The following EGF variants were observed in gnomAD, a reference collection of about 807,000 sequenced individuals.
EGF encodes pro-epidermal growth factor.
In EGF, 95 loss-of-function variants were observed where a neutral mutation model predicts 143.8. The ratio of observed to expected loss-of-function variants is 0.66; its 90% CI spans 0.56 to 0.78. The LOEUF is 0.78. Among genes scored for constraint, EGF ranks in the 30% least tolerant of loss-of-function variants. The pLI is 0.00. For missense variants in EGF, 1,320 were observed against 1,470.9 expected, an observed-to-expected ratio of 0.90 and a Z score of 1.68; for synonymous variants, 510 against 510.5, an observed-to-expected ratio of 1.00 and a Z score of 0.01.
At chr4:109,947,157 GA>G (rs1435998569) in intron 5 of EGF, among the ~76,000 whole-genome samples, 22 of 139,408 alleles carry the variant, frequency 1.6e-4, no homozygotes, top group Admixed American at 7.2e-4. Context: ...AGGTTTTTAT[GA>G]AATACCACAA....
chr4:109,933,730 T>C (rs1418293586), intron 1 of EGF, among the ~76,000 whole-genome samples: 2 of 152,230 alleles, frequency 1.3e-5, no homozygotes, highest in Non-Finnish European at 1.5e-5. Flanking sequence ...GCTTCAACCA[T>C]GTCCCTGCAA....
At chr4:109,926,861 G>C (rs1738766210) in intron 1 of EGF, among the ~76,000 whole-genome samples, 1 of 152,212 alleles carries the variant, frequency 6.6e-6, no homozygotes, top group Non-Finnish European at 1.5e-5. Flanking sequence ...TGTAGGAAGA[G>C]AGCAGTTTGA....
At chr4:109,968,698 A>G (rs2126080569) in intron 10 of EGF, 1 of 425,310 alleles carries the variant, frequency 2.4e-6, no homozygotes, top group East Asian at 5.5e-5. Context: ...CTATCTATCT[A>G]TCTATCTATC....
intron 13 of EGF, chr4:109,977,387 T>A (rs1748666921): frequency 5.9e-5 from 9 of 152,228 alleles, no homozygotes; most frequent in Admixed American, 4.6e-4. Context: ...TCACAATAAG[T>A]GATATGCTTA....
At position 109,960,882 on chromosome 4, in the gene EGF, C is replaced by G. The variant is rs1745572857; in HGVS notation, c.1082C>G (p.Ala361Gly). ...RKYCEDVNEC[A>G]FWNHGCTLGC... Reference sequence around the variant, plus strand: ...CATTGTGCAGATGTTAATGAATGTGCTTTTTGGAATCATGGCTGTACTCTT... The same window carrying G: ...CATTGTGCAGATGTTAATGAATGTGGTTTTTGGAATCATGGCTGTACTCTT... Residue 361 changes from alanine to glycine, a missense_variant, in exon 7 of 24, where the codon GCT becomes GGT. Around this residue, in one of 5 missense-constraint regions of EGF, gnomAD observed 1,186 missense variants for 1,313.7 expected, o/e 0.90. Transcript: ENST00000265171. The G allele has an allele frequency of 6.2e-7, 1 of 1,613,732 alleles. No individual in the cohort carries two copies. Among genetic ancestry groups the G allele is most frequent in the African/African-American group, 1.3e-5 (1 of 74,874 alleles).
chr4:109,990,665 T>C (rs1000802289), intron 18 of EGF, among the ~76,000 whole-genome samples: 1 of 152,158 alleles, frequency 6.6e-6, no homozygotes, highest in Non-Finnish European at 1.5e-5. Flanking sequence ...AGGCTCGAAG[T>C]CCTAGATCAA....
chr4:109,919,287 GTCTC>G (rs58110007), intron 1 of EGF, among the ~76,000 whole-genome samples: 9,025 of 75,448 alleles, frequency 0.12, 437 homozygotes, highest in Non-Finnish European at 0.14. Flanking sequence ...ATGCTTCTCT[GTCTC>G]TCTCTCTCTC....
intron 23 of EGF, among the ~76,000 whole-genome samples, chr4:110,010,239 C>T (rs1220968843): frequency 6.6e-6 from 1 of 151,930 alleles, no homozygotes; most frequent in Non-Finnish European, 1.5e-5. Context: ...AGTGAGACTC[C>T]ATCTCAAAAC....
At chr4:109,999,298 G>A (rs765619363) in intron 20 of EGF, among the ~76,000 whole-genome samples, 1 of 152,142 alleles carries the variant, frequency 6.6e-6, no homozygotes, top group Non-Finnish European at 1.5e-5. Context: ...TATACTCATT[G>A]CAATCTGGCC....
intron 5 of EGF, among the ~76,000 whole-genome samples, chr4:109,950,554 C>T (rs1343078591): frequency 6.6e-6 from 1 of 152,200 alleles, no homozygotes; most frequent in African/African-American, 2.4e-5. Context: ...TCCTAATCAT[C>T]AGTAATTAAA....
intron 23 of EGF, among the ~76,000 whole-genome samples, chr4:110,010,262 T>G (rs1023685521): frequency 6.6e-6 from 1 of 151,960 alleles, no homozygotes; most frequent in African/African-American, 2.4e-5. Context: ...AGATAGAGAC[T>G]CCATCTCAAA....
chr4:109,921,867 G>C (rs750336743), intron 1 of EGF, among the ~76,000 whole-genome samples: 14 of 151,518 alleles, frequency 9.2e-5, no homozygotes, highest in Non-Finnish European at 1.9e-4. Context: ...CACCATTCTT[G>C]TATAAACAGG....
intron 9 of EGF, among the ~76,000 whole-genome samples, chr4:109,963,932 A>G (rs1578275816): frequency 6.6e-6 from 1 of 152,188 alleles, no homozygotes; most frequent in East Asian, 1.9e-4. Context: ...AATATAGTGT[A>G]ATCTAAATCC....
At chr4:109,927,448 G>A (rs993094114) in intron 1 of EGF, among the ~76,000 whole-genome samples, 5 of 152,030 alleles carry the variant, frequency 3.3e-5, no homozygotes, top group African/African-American at 9.7e-5. Context: ...GTCCAGGCCG[G>A]GCGCAGTGGC....
At chr4:109,972,731 C>T (rs1030790449) in intron 11 of EGF, among the ~76,000 whole-genome samples, 11 of 152,184 alleles carry the variant, frequency 7.2e-5, no homozygotes, top group African/African-American at 2.7e-4. Flanking sequence ...GTGTTTCCAA[C>T]CCAGCATAGT....
chr4:109,961,106 T>A, intron 7 of EGF, 117 bp downstream of exon 7: 1 of 1,201,744 alleles, frequency 8.3e-7, no homozygotes, highest in Non-Finnish European at 1.2e-6. Context: ...ATAATTACCT[T>A]TGAGTTTTAT....
chr4:109,928,501 A>T (rs925928101), intron 1 of EGF, among the ~76,000 whole-genome samples: 1 of 152,192 alleles, frequency 6.6e-6, no homozygotes. Flanking sequence ...AGCAGGCTTC[A>T]GAGCTCTTAT....
chr4:110,013,747 TA>T lies in EGF; in HGVS notation c.*2295del, dbSNP rs1290201919. Among the ~76,000 whole-genome samples the T allele has an allele frequency of 6.7e-6, 1 of 149,572 alleles. No homozygotes were observed. Among genetic ancestry groups the T allele is most frequent in the Non-Finnish European group, 1.5e-5 (1 of 67,158 alleles). On this transcript the variant is annotated 3_prime_UTR_variant, in exon 24 of 24. Transcript: ENST00000265171. ...TATTGGCCTCTTTTCTAGCATCTAA[TA>T]AAGGCTTAATACACTGTACTCTTTT... is the stretch of plus-strand genomic sequence containing the variant.
intron 13 of EGF, 125 bp downstream of exon 13, chr4:109,976,360 C>A: frequency 2.3e-6 from 2 of 854,276 alleles, no homozygotes; most frequent in Admixed American, 2.0e-5. Flanking sequence ...TAGAGACAGA[C>A]TTCTCCAGGG....
Sources: gnomAD v4.1 joint callset for allele counts (sites outside exome capture counted in the v4.1 genomes callset) on GRCh38, gnomAD v4.1.1 for gene constraint, gnomAD v4.1.1 regional missense constraint, MANE v1.5 for transcripts, NCBI Gene and HGNC (gene_info 2026-07-23, HGNC 2026-07-21) for gene names.